SLCO3A1: variants seen among roughly 807,000 people sequenced by gnomAD.
SLCO3A1 encodes PGE1 transporter.
In SLCO3A1, 27 loss-of-function variants were observed where a neutral mutation model predicts 63.1. The ratio of observed to expected loss-of-function variants is 0.43; its 90% CI spans 0.32 to 0.59. The LOEUF (loss-of-function observed/expected upper bound fraction) is 0.59, where lower values mean the gene tolerates loss of function less well. Among genes scored for constraint, SLCO3A1 ranks in the 20% least tolerant of loss-of-function variants. The pLI is 0.09. For missense variants in SLCO3A1, 773 were observed against 945.8 expected (o/e 0.82, Z 2.40); for synonymous variants, 473 against 409.9 (o/e 1.15, Z -1.86).
rs142897481 is a variant in SLCO3A1 at position 92,053,626 on chromosome 15, T to C, written c.647-41255T>C. 3.8e-3 allele frequency among the ~76,000 whole-genome samples: 574 copies of C among 152,024 alleles called. 2 individuals are homozygous for C. The highest frequency in any genetic ancestry group is 0.014 in the Middle Eastern group (4 of 294). On this transcript the variant is annotated intron_variant, in intron 2 of 9. Transcript: ENST00000318445. ...TGATGCCCTTGACAGCGTTGAGGAG[T>C]ACTGGTTAGGGGTTTTGTAGAAGCT...
chr15:92,052,205 C>T (rs2046966483), intron 2 of SLCO3A1, among the ~76,000 whole-genome samples: 1 of 152,132 alleles, frequency 6.6e-6, no homozygotes, highest in Admixed American at 6.5e-5. Flanking sequence ...ACAGCCTGTA[C>T]TCAGCTGGGT....
chr15:91,876,006 C>G (rs1207414989), intron 1 of SLCO3A1, among the ~76,000 whole-genome samples: 1 of 152,158 alleles, frequency 6.6e-6, no homozygotes. Context: ...ATCTCTAGAT[C>G]CCAGAGATGC....
intron 3 of SLCO3A1, 152 bp downstream of exon 3, chr15:92,095,131 A>G: frequency 1.7e-6 from 1 of 597,090 alleles, no homozygotes. Context: ...GATTAGATGA[A>G]AGAACGTGAG....
intron 2 of SLCO3A1, among the ~76,000 whole-genome samples, chr15:91,986,614 C>CA (rs1433802469): frequency 6.6e-6 from 1 of 151,148 alleles, no homozygotes; most frequent in Non-Finnish European, 1.5e-5. Context: ...AACTAGGTTT[C>CA]AAAATCAGAT....
chr15:91,890,287 A>G (rs2151356339), intron 1 of SLCO3A1, among the ~76,000 whole-genome samples: 1 of 152,310 alleles, frequency 6.6e-6, no homozygotes, highest in Non-Finnish European at 1.5e-5. Context: ...CTCCATCACC[A>G]TACTCATCCA....
chr15:91,915,903 G>T (rs963852311), intron 1 of SLCO3A1, 90 bp from the exon 2 acceptor site: 5 of 1,123,310 alleles, frequency 4.5e-6, no homozygotes, highest in African/African-American at 3.2e-5. Flanking sequence ...GTCCCGGGGG[G>T]GATGGGCAGA....
chr15:92,151,849 C>A (rs1047632650), intron 9 of SLCO3A1, among the ~76,000 whole-genome samples: 1 of 152,196 alleles, frequency 6.6e-6, no homozygotes, highest in African/African-American at 2.4e-5. Flanking sequence ...ATTCCTCATT[C>A]CACGTATATA....
intron 1 of SLCO3A1, among the ~76,000 whole-genome samples, chr15:91,867,905 T>C (rs1198267471): frequency 1.3e-5 from 2 of 152,218 alleles, no homozygotes; most frequent in Non-Finnish European, 1.5e-5. Flanking sequence ...AGGAAGCATT[T>C]CTGCGCTGTT....
chr15:91,905,590 A>G (rs1274418811), intron 1 of SLCO3A1, among the ~76,000 whole-genome samples: 3 of 149,318 alleles, frequency 2.0e-5, no homozygotes, highest in Non-Finnish European at 4.4e-5. Flanking sequence ...GTGGAAATGG[A>G]TGGCAGCCTG....
chr15:92,121,551 A>G (rs1309363193), intron 5 of SLCO3A1, among the ~76,000 whole-genome samples: 2 of 152,234 alleles, frequency 1.3e-5, no homozygotes, highest in Non-Finnish European at 2.9e-5. Flanking sequence ...GATGTCCAGT[A>G]TTCAGCCGAG....
chr15:91,949,409 C>T (rs552123572), intron 2 of SLCO3A1, among the ~76,000 whole-genome samples: 2 of 152,102 alleles, frequency 1.3e-5, no homozygotes, highest in East Asian at 1.9e-4. Flanking sequence ...ACAGGCAAAT[C>T]GCTTGAGGCC....
At chr15:92,146,699 G>A (rs2048228999) in intron 7 of SLCO3A1, among the ~76,000 whole-genome samples, 1 of 152,052 alleles carries the variant, frequency 6.6e-6, no homozygotes, top group South Asian at 2.1e-4. Context: ...TAATTGTATT[G>A]GGGGGGACAC....
rs533263055 is a variant in SLCO3A1, at chr15:92,040,232, C to T, written c.647-54649C>T. On this transcript the variant is annotated intron_variant, in intron 2 of 9. Transcript: ENST00000318445. ...AGTAAAAAATTAAAAAAATAAAGGG[C>T]GCATGCAATTTGGCACCCAGCTTCA... Among the ~76,000 whole-genome samples, 10 of 152,180 alleles carry T rather than the reference C, an allele frequency of 6.6e-5. No individual in the cohort carries two copies. In the South Asian group the frequency reaches 8.3e-4, roughly 13 times the overall value.
At chr15:92,021,838 C>T (rs2046513073) in intron 2 of SLCO3A1, among the ~76,000 whole-genome samples, 1 of 152,046 alleles carries the variant, frequency 6.6e-6, no homozygotes, top group African/African-American at 2.4e-5. Context: ...GCTAGGGACG[C>T]CCGAGGGAGG....
intron 2 of SLCO3A1, among the ~76,000 whole-genome samples, chr15:91,919,417 C>T (rs1421405341): frequency 1.3e-5 from 2 of 152,162 alleles, no homozygotes; most frequent in Non-Finnish European, 2.9e-5. Context: ...AATGGGGACT[C>T]GGCTCTGCTG....
intron 1 of SLCO3A1, among the ~76,000 whole-genome samples, chr15:91,864,490 C>CTT (rs56982912): frequency 8.2e-5 from 11 of 133,716 alleles, no homozygotes; most frequent in East Asian, 6.7e-4. Context: ...AAATGTTCCT[C>CTT]TTTTTTTTTT....
At chr15:91,870,488 G>A (rs1312272646) in intron 1 of SLCO3A1, among the ~76,000 whole-genome samples, 1 of 152,166 alleles carries the variant, frequency 6.6e-6, no homozygotes, top group Non-Finnish European at 1.5e-5. Context: ...ATTTAATTCT[G>A]ATGTATATTA....
chr15:91,879,991 T>G (rs1897513329), intron 1 of SLCO3A1, among the ~76,000 whole-genome samples: 1 of 152,192 alleles, frequency 6.6e-6, no homozygotes, highest in African/African-American at 2.4e-5. Context: ...CAGGGCTCTG[T>G]GCAGAATGTC....
Position 91,916,110 on chromosome 15 carries a change from G to C in SLCO3A1, c.298G>C (p.Gly100Arg). 6.2e-7 allele frequency: 1 copy of C among 1,611,796 alleles called. No homozygotes were observed. The highest frequency in any genetic ancestry group is 8.5e-7 in the Non-Finnish European group (1 of 1,179,674). The change falls in exon 2 of 10, where the codon GGG becomes CGG. Residue 100 changes from glycine (G) to arginine (R), a missense_variant. Physicochemically the swap from Gly to Arg is moderately radical, Grantham distance 125 (BLOSUM62 -2). Coordinates refer to ENST00000318445, the MANE Select transcript of SLCO3A1 (RefSeq NM_013272.4). The surrounding 1 kb of genome is among the most constrained non-coding windows in gnomAD (Gnocchi z 6.2). ...GCTCATCCTCTTCGTGAGCTACTTC[G>C]GGGCACGCGGGCACCGGCCGCGCCT... The part of the protein sequence containing the change: ...LALILFVSYF[G>R]ARGHRPRLIG...
Sources: gnomAD v4.1 joint callset for allele counts (sites outside exome capture counted in the v4.1 genomes callset) on GRCh38, gnomAD v4.1.1 for gene constraint, Gnocchi (gnomAD v3.1) non-coding constraint, MANE v1.5 for transcripts, NCBI Gene and HGNC (gene_info 2026-07-23, HGNC 2026-07-21) for gene names.